LMX1A: variants seen among roughly 807,000 people sequenced by gnomAD.
LMX1A encodes the protein LIM homeobox transcription factor 1-alpha.
A neutral mutation model predicts 49.1 loss-of-function variants in LMX1A; 15 were observed. That is an observed-to-expected ratio of 0.31 (90% CI 0.20 to 0.47). LMX1A has a LOEUF of 0.47. Among genes scored for constraint, LMX1A ranks in the 20% least tolerant of loss-of-function variants. LMX1A has a pLI of 1.00. For synonymous variants in LMX1A, 167 were observed against 185.7 expected (o/e 0.90, Z 0.82); for missense variants, 372 against 475.8 (o/e 0.78, Z 2.03).
intron 4 of LMX1A, among the ~76,000 whole-genome samples, chr1:165,229,805 T>C (rs552573652): frequency 6.6e-6 from 1 of 152,272 alleles, no homozygotes; most frequent in Non-Finnish European, 1.5e-5. Flanking sequence ...TTTCTGGTTG[T>C]TAGTGGAGGG....
At chr1:165,354,441 T>G (rs1011309484) in intron 2 of LMX1A, among the ~76,000 whole-genome samples, 4 of 152,200 alleles carry the variant, frequency 2.6e-5, no homozygotes, top group Non-Finnish European at 4.4e-5. Context: ...CGACGCCCGC[T>G]GTATACATAA....
intron 4 of LMX1A, among the ~76,000 whole-genome samples, chr1:165,236,454 A>G (rs1389036829): frequency 6.6e-6 from 1 of 152,174 alleles, no homozygotes; most frequent in Admixed American, 6.5e-5. Flanking sequence ...GCCGGGTCAA[A>G]TACAGGGCAC....
At chr1:165,356,146 T>C (rs939659807) in intron 1 of LMX1A, 1 of 152,192 alleles carries the variant, frequency 6.6e-6, no homozygotes, top group Non-Finnish European at 1.5e-5. Context: ...GGCGCTGCGC[T>C]CTGTTGGGGT....
At chr1:165,288,375 G>A (rs997992416) in intron 3 of LMX1A, among the ~76,000 whole-genome samples, 2 of 152,196 alleles carry the variant, frequency 1.3e-5, no homozygotes, top group Non-Finnish European at 2.9e-5. Flanking sequence ...GACTAGCTAT[G>A]GGAGTCAAAC....
chr1:165,342,278 A>T (rs946849150), intron 3 of LMX1A, among the ~76,000 whole-genome samples: 4 of 152,238 alleles, frequency 2.6e-5, no homozygotes, highest in South Asian at 4.1e-4. Context: ...TTGAAAATAC[A>T]ACACAGTTCA....
At chr1:165,209,333 T>G (rs1328846700) in intron 6 of LMX1A, among the ~76,000 whole-genome samples, 2 of 152,174 alleles carry the variant, frequency 1.3e-5, no homozygotes, top group Admixed American at 1.3e-4. Context: ...TCCTAAAATT[T>G]TTGGACTCTC....
intron 4 of LMX1A, among the ~76,000 whole-genome samples, chr1:165,247,875 C>A (rs965622151): frequency 2.6e-5 from 4 of 152,194 alleles, no homozygotes; most frequent in Admixed American, 6.5e-5. Flanking sequence ...TAAGGCACCC[C>A]ACTTGTCTGT....
intron 4 of LMX1A, among the ~76,000 whole-genome samples, chr1:165,234,672 TAGTG>T (rs919947836): frequency 1.3e-5 from 2 of 152,206 alleles, no homozygotes; most frequent in African/African-American, 4.8e-5. Flanking sequence ...GCCATGGACT[TAGTG>T]AGACTAATTC....
chr1:165,254,840 C>A (rs904109014), intron 3 of LMX1A, among the ~76,000 whole-genome samples: 1 of 152,300 alleles, frequency 6.6e-6, no homozygotes, highest in East Asian at 1.9e-4. Context: ...ATGTCCAGCT[C>A]ATCAAGGCAT....
At chr1:165,315,972 C>A (rs1464080235) in intron 3 of LMX1A, among the ~76,000 whole-genome samples, 1 of 152,208 alleles carries the variant, frequency 6.6e-6, no homozygotes, top group Non-Finnish European at 1.5e-5. Context: ...CAGATCCTGT[C>A]ATGGGAGGCA....
At chr1:165,336,476 C>T (rs2101757749) in intron 3 of LMX1A, among the ~76,000 whole-genome samples, 1 of 152,282 alleles carries the variant, frequency 6.6e-6, no homozygotes, top group East Asian at 1.9e-4. Context: ...TTTACACTTC[C>T]CCTTCCTTTT....
intron 4 of LMX1A, among the ~76,000 whole-genome samples, chr1:165,245,921 A>G (rs1047210569): frequency 6.6e-6 from 1 of 151,752 alleles, no homozygotes; most frequent in South Asian, 2.1e-4. Flanking sequence ...TCATCTGTAA[A>G]CCAAATAAAC....
intron 3 of LMX1A, among the ~76,000 whole-genome samples, chr1:165,289,135 T>C (rs1331293691): frequency 6.6e-6 from 1 of 152,132 alleles, no homozygotes; most frequent in East Asian, 1.9e-4. Flanking sequence ...TATGATTATA[T>C]GTCCATCTGG....
intron 4 of LMX1A, among the ~76,000 whole-genome samples, chr1:165,236,700 T>C: frequency 6.6e-6 from 1 of 151,434 alleles, no homozygotes; most frequent in East Asian, 1.9e-4. Flanking sequence ...GTATTTCAAC[T>C]CCATCCCTCT....
chr1:165,272,192 C>A (rs1258991020), intron 3 of LMX1A, among the ~76,000 whole-genome samples: 1 of 152,112 alleles, frequency 6.6e-6, no homozygotes, highest in Non-Finnish European at 1.5e-5. Flanking sequence ...GAAGAAAGAT[C>A]CCTCCCACCA....
chr1:165,329,047 T>G (rs1655664613), intron 3 of LMX1A, among the ~76,000 whole-genome samples: 1 of 152,216 alleles, frequency 6.6e-6, no homozygotes, highest in African/African-American at 2.4e-5. Context: ...GGGAAATTTA[T>G]TTTAAAAAAG....
chr1:165,235,609 C>T (rs1296969996), intron 4 of LMX1A, among the ~76,000 whole-genome samples: 1 of 152,004 alleles, frequency 6.6e-6, no homozygotes, highest in Admixed American at 6.6e-5. Flanking sequence ...CCTGACGTCA[C>T]CTGGGAACGC....
chr1:165,270,954 A>G (rs901672448), intron 3 of LMX1A, among the ~76,000 whole-genome samples: 1 of 152,162 alleles, frequency 6.6e-6, no homozygotes, highest in African/African-American at 2.4e-5. Context: ...ACCACAACAG[A>G]TAACTGCTGG....
At chr1:165,338,446 G>A (rs984910791) in intron 3 of LMX1A, among the ~76,000 whole-genome samples, 3 of 152,178 alleles carry the variant, frequency 2.0e-5, no homozygotes, top group African/African-American at 4.8e-5. Flanking sequence ...GCATTTACCT[G>A]AGCTGATATT....
Sources: allele counts gnomAD v4.1 joint callset (sites outside exome capture counted in the v4.1 genomes callset), GRCh38; gene constraint gnomAD v4.1.1; transcripts MANE v1.5; gene names NCBI Gene and HGNC (gene_info 2026-07-23, HGNC 2026-07-21).